MAMLD1: variants seen among roughly 807,000 people sequenced by gnomAD.
MAMLD1 encodes the protein mastermind-like domain-containing protein 1.
A neutral mutation model predicts 45.0 loss-of-function variants in MAMLD1; 14 were observed. The observed-to-expected ratio is 0.31, with a 90% CI of 0.21 to 0.49. The LOEUF is 0.49. Among genes scored for constraint, MAMLD1 ranks in the 20% least tolerant of loss-of-function variants. The pLI is 0.99. For synonymous variants in MAMLD1, 254 were observed against 247.8 expected (o/e 1.02, Z -0.24); for missense variants, 543 against 603.6 (o/e 0.90, Z 1.05).
chrX:150,372,468 C>T (rs1557401125), intron 1 of MAMLD1, among the ~76,000 whole-genome samples: 2 of 111,867 alleles, frequency 1.8e-5, no homozygotes, highest in Non-Finnish European at 3.8e-5. Context: ...CAGTTGCCAA[C>T]GTCACATGGT....
chrX:150,501,774 A>G (rs2037562136), intron 5 of MAMLD1, among the ~76,000 whole-genome samples: 1 of 112,408 alleles, frequency 8.9e-6, no homozygotes, highest in African/African-American at 3.2e-5. Flanking sequence ...CCTTGCCTGT[A>G]CTTTTCTTAA....
chrX:150,362,356 C>T (rs2031047480), upstream of MAMLD1, among the ~76,000 whole-genome samples: 2 of 111,208 alleles, frequency 1.8e-5, no homozygotes, highest in South Asian at 3.8e-4. Flanking sequence ...TGTGACACTT[C>T]AGGGTCCTCT....
chrX:150,364,355 T>A (rs2031219213), intron 1 of MAMLD1, among the ~76,000 whole-genome samples: 1 of 113,126 alleles, frequency 8.8e-6, no homozygotes, highest in African/African-American at 3.2e-5. Context: ...GTCGTCTGAT[T>A]CTGATCCGTG....
chrX:150,370,029 T>A (rs1557400932), intron 1 of MAMLD1, among the ~76,000 whole-genome samples: 1 of 108,121 alleles, frequency 9.2e-6, no homozygotes, highest in Non-Finnish European at 1.9e-5. Flanking sequence ...GATACACATA[T>A]AATGGATGTA....
At chrX:150,363,633 G>A (rs1444464864) in intron 1 of MAMLD1, 103 bp downstream of exon 1, 1 of 112,375 alleles carries the variant, frequency 8.9e-6, no homozygotes, top group African/African-American at 3.2e-5. Context: ...CGGGGTCCCA[G>A]GGGTGCTTCG....
intron 1 of MAMLD1, among the ~76,000 whole-genome samples, chrX:150,419,440 T>C: frequency 1.8e-5 from 2 of 109,507 alleles, no homozygotes; most frequent in Admixed American, 1.9e-4. Flanking sequence ...CCATTTACAT[T>C]TAAAGTTAAT....
In MAMLD1 at chrX:150,445,466, G is replaced by A. The variant is rs1170531104; in HGVS notation, c.-51G>A. On this transcript the variant is annotated 5_prime_UTR_variant, in exon 2 of 8. Transcript: ENST00000370401. ...TTGTCTCCCTAAGCCCTGTGTCTAGGTCGTTTGGGAAACGCCTTGGAGAGT... is the reference window on the plus strand; with the variant it reads ...TTGTCTCCCTAAGCCCTGTGTCTAGATCGTTTGGGAAACGCCTTGGAGAGT... 1 of 965,381 alleles carries A rather than the reference G, an allele frequency of 1.0e-6. No homozygotes were observed. Among genetic ancestry groups the A allele is most frequent in the Admixed American group, 2.2e-5 (1 of 45,397 alleles). The allele number at this position is 965,381 out of a possible 1,213,427, so 79.6% of individuals were successfully genotyped here.
At chrX:150,497,673 A>C (rs2037430196) in intron 5 of MAMLD1, among the ~76,000 whole-genome samples, 1 of 111,253 alleles carries the variant, frequency 9.0e-6, no homozygotes, top group Non-Finnish European at 1.9e-5. Context: ...AGTTCTCCTC[A>C]TTTCAAGGTA....
At chrX:150,508,900 G>C in intron 6 of MAMLD1, among the ~76,000 whole-genome samples, 1 of 111,865 alleles carries the variant, frequency 8.9e-6, no homozygotes, top group South Asian at 3.8e-4. Context: ...CTCACTGTGT[G>C]GGGTGAGGCT....
At chrX:150,403,669 G>A in intron 1 of MAMLD1, among the ~76,000 whole-genome samples, 1 of 109,493 alleles carries the variant, frequency 9.1e-6, no homozygotes, top group Non-Finnish European at 1.9e-5. Flanking sequence ...GCCAGTCACT[G>A]TGGCTCATGC....
At chrX:150,418,420 T>C (rs782797972) in intron 1 of MAMLD1, among the ~76,000 whole-genome samples, 7,496 of 108,661 alleles carry the variant, frequency 0.069, 267 homozygotes, top group African/African-American at 0.12. Context: ...TTGAAGGGTT[T>C]TTGTGTCTCT....
At chrX:150,460,465 T>A (rs2036000725) in intron 2 of MAMLD1, among the ~76,000 whole-genome samples, 1 of 111,858 alleles carries the variant, frequency 8.9e-6, no homozygotes, top group Non-Finnish European at 1.9e-5. Context: ...AAGAGCCCCT[T>A]GGGTTTGTAT....
chrX:150,388,084 T>C lies in MAMLD1; in HGVS notation c.-64+24554T>C, dbSNP rs181515472. Among the ~76,000 whole-genome samples, 299 of 112,056 alleles carry C rather than the reference T, an allele frequency of 2.7e-3. 3 individuals carry two copies. Among genetic ancestry groups the C allele is most frequent in the African/African-American group, 9.4e-3 (290 of 30,823 alleles). On this transcript the variant is annotated intron_variant, in intron 1 of 7. Coordinates refer to ENST00000370401, the MANE Select transcript of MAMLD1 (RefSeq NM_005491.5). Reference sequence around the variant, plus strand: ...CTCTTCTACTTTCTAGAAGACATTATGTAAAAGTGGCACTAATTCTTCTTT... The same window carrying C: ...CTCTTCTACTTTCTAGAAGACATTACGTAAAAGTGGCACTAATTCTTCTTT...
At chrX:150,408,759 G>A (rs1050005611) in intron 1 of MAMLD1, among the ~76,000 whole-genome samples, 6 of 112,060 alleles carry the variant, frequency 5.4e-5, no homozygotes, top group Admixed American at 2.8e-4. Flanking sequence ...CAGGGCCAAC[G>A]CGGGGGAGTC....
chrX:150,479,617 G>A lies in MAMLD1; in HGVS notation c.2040+5815G>A, dbSNP rs781808706. Among the ~76,000 whole-genome samples the A allele has an allele frequency of 5.4e-5, 6 of 111,922 alleles. No individual in the cohort carries two copies. The South Asian group carries it at 1.9e-3, about 35-fold the overall frequency. Reference sequence around the variant, plus strand: ...TACTTATTTGTCACTGTAAAGCAAGGCAAGGAATCTCATTGCGCTTTTCAA... The same window carrying A: ...TACTTATTTGTCACTGTAAAGCAAGACAAGGAATCTCATTGCGCTTTTCAA... On this transcript the variant is annotated intron_variant, in intron 5 of 7. Transcript: ENST00000370401.
chrX:150,437,636 A>G (rs1441920113), intron 1 of MAMLD1, among the ~76,000 whole-genome samples: 1 of 112,223 alleles, frequency 8.9e-6, no homozygotes, highest in African/African-American at 3.2e-5. Flanking sequence ...TATGATTTTA[A>G]TTATTTTTTT....
chrX:150,488,444 T>C (rs2037067076), intron 5 of MAMLD1, among the ~76,000 whole-genome samples: 1 of 112,799 alleles, frequency 8.9e-6, no homozygotes, highest in African/African-American at 3.2e-5. Flanking sequence ...TGCAGGCAGC[T>C]TCAAATGTGA....
chrX:150,465,744 T>C (rs2036196444), intron 3 of MAMLD1, among the ~76,000 whole-genome samples: 1 of 112,379 alleles, frequency 8.9e-6, no homozygotes, highest in Non-Finnish European at 1.9e-5. Flanking sequence ...TGCCAGTGGC[T>C]ACTGATTGTC....
intron 6 of MAMLD1, 51 bp from the exon 7 acceptor site, chrX:150,509,911 A>G (rs1557409035): frequency 2.2e-6 from 2 of 921,982 alleles, no homozygotes; most frequent in Non-Finnish European, 3.2e-6. Flanking sequence ...CCTAAGGCTA[A>G]TTATTAATTG....
Sources: gnomAD v4.1 joint callset for allele counts (sites outside exome capture counted in the v4.1 genomes callset) on GRCh38, gnomAD v4.1.1 for gene constraint, MANE v1.5 for transcripts, NCBI Gene and HGNC (gene_info 2026-07-23, HGNC 2026-07-21) for gene names.